COMMD1: variants seen among roughly 807,000 people sequenced by gnomAD.
COMMD1 encodes the protein copper metabolism domain containing 1.
A neutral mutation model predicts 17.2 loss-of-function variants in COMMD1; 10 were observed. The observed-to-expected ratio is 0.58, with a 90% confidence interval of 0.36 to 0.99. The LOEUF (loss-of-function observed/expected upper bound fraction) is 0.99, where lower values mean the gene tolerates loss of function less well. Among genes scored for constraint, COMMD1 ranks in the 50% least tolerant of loss-of-function variants. The probability of loss-of-function intolerance (pLI) is 0.01; values close to 1 mark genes in which losing one functional copy is unlikely to be tolerated. For missense variants in COMMD1, 270 were observed against 231.8 expected, an observed-to-expected ratio of 1.17 and a Z score of -1.07; for synonymous variants, 97 against 91.6, an observed-to-expected ratio of 1.06 and a Z score of -0.34.
At chr2:62,030,178 T>TTATG (rs1669875363) in intron 2 of COMMD1, among the ~76,000 whole-genome samples, 1 of 152,222 alleles carries the variant, frequency 6.6e-6, no homozygotes, top group Admixed American at 6.5e-5. Flanking sequence ...GATGGGGGTC[T>TTATG]TATGGCCCAC....
At chr2:61,950,555 C>T (rs1232648547) in intron 1 of COMMD1, among the ~76,000 whole-genome samples, 2 of 152,188 alleles carry the variant, frequency 1.3e-5, no homozygotes, top group Admixed American at 6.5e-5. Context: ...TAGTACTGAA[C>T]CCTGGCCAAG....
chr2:61,981,266 T>C (rs1671946049), intron 1 of COMMD1, among the ~76,000 whole-genome samples: 1 of 152,226 alleles, frequency 6.6e-6, no homozygotes, highest in Non-Finnish European at 1.5e-5. Flanking sequence ...TGTTTTCTTG[T>C]AGTTTCATAG....
intron 2 of COMMD1, among the ~76,000 whole-genome samples, chr2:62,052,262 G>A (rs1241438850): frequency 6.6e-6 from 1 of 152,074 alleles, no homozygotes; most frequent in Non-Finnish European, 1.5e-5. Flanking sequence ...ACCAGCCTTG[G>A]CAACATGGTG....
intron 1 of COMMD1, among the ~76,000 whole-genome samples, chr2:61,929,757 C>T (rs185441676): frequency 4.9e-4 from 74 of 152,144 alleles, no homozygotes; most frequent in Non-Finnish European, 9.4e-4. Context: ...CATAATGAGA[C>T]CTGGTCTTTA....
intron 1 of COMMD1, among the ~76,000 whole-genome samples, chr2:61,988,566 C>G (rs566924817): frequency 6.6e-6 from 1 of 152,248 alleles, no homozygotes; most frequent in Non-Finnish European, 1.5e-5. Flanking sequence ...ACTGTTTTCT[C>G]TCCTCTCAAG....
intron 2 of COMMD1, among the ~76,000 whole-genome samples, chr2:62,005,858 G>T (rs36127941): frequency 0.14 from 20,958 of 149,900 alleles, 1,383 homozygotes; most frequent in East Asian, 0.2. Context: ...TATACCCAAA[G>T]GACTATAAAT....
chr2:62,123,178 C>A (rs1200887286), intron 2 of COMMD1, among the ~76,000 whole-genome samples: 1 of 150,698 alleles, frequency 6.6e-6, no homozygotes. Context: ...GGGCAACATA[C>A]CAAGACCCCA....
intron 1 of COMMD1, among the ~76,000 whole-genome samples, chr2:61,907,339 T>G (rs1211458747): frequency 6.6e-6 from 1 of 152,168 alleles, no homozygotes; most frequent in East Asian, 1.9e-4. Context: ...TCTCCTGACT[T>G]CGTTATCCGC....
At chr2:61,908,119 G>A (rs1029432013) in intron 1 of COMMD1, among the ~76,000 whole-genome samples, 1 of 152,186 alleles carries the variant, frequency 6.6e-6, no homozygotes, top group Non-Finnish European at 1.5e-5. Flanking sequence ...CAGGTGCCTG[G>A]CAGCACACTG....
At chr2:61,894,152 T>G (rs1572937721) in intron 1 of COMMD1, among the ~76,000 whole-genome samples, 1 of 152,148 alleles carries the variant, frequency 6.6e-6, no homozygotes, top group African/African-American at 2.4e-5. Context: ...CAGGCTGGAG[T>G]GCAGTAGCAC....
intron 1 of COMMD1, among the ~76,000 whole-genome samples, chr2:61,923,765 G>GT (rs1003526237): frequency 2.0e-5 from 3 of 151,948 alleles, no homozygotes; most frequent in African/African-American, 7.3e-5. Flanking sequence ...TTTAGAAAGA[G>GT]TTTTTTTGTT....
chr2:61,925,006 G>A (rs1483141570), intron 1 of COMMD1, among the ~76,000 whole-genome samples: 1 of 152,202 alleles, frequency 6.6e-6, no homozygotes, highest in Non-Finnish European at 1.5e-5. Flanking sequence ...CAGAAATGGA[G>A]AGACAGACGG....
At chr2:62,038,222 A>C (rs1670090836) in intron 2 of COMMD1, among the ~76,000 whole-genome samples, 1 of 152,174 alleles carries the variant, frequency 6.6e-6, no homozygotes, top group Admixed American at 6.5e-5. Context: ...CAGGAGGCGG[A>C]GGTTGCAGTC....
intron 1 of COMMD1, among the ~76,000 whole-genome samples, chr2:61,975,354 T>A (rs1366413243): frequency 6.6e-6 from 1 of 152,142 alleles, no homozygotes; most frequent in Non-Finnish European, 1.5e-5. Flanking sequence ...TGGATGTAAT[T>A]TTTCAATTCA....
intron 1 of COMMD1, among the ~76,000 whole-genome samples, chr2:61,939,330 G>A (rs563132628): frequency 2.3e-4 from 35 of 151,846 alleles, no homozygotes; most frequent in African/African-American, 8.5e-4. Context: ...GCTGGGCATG[G>A]TGGCAGGTGC....
chr2:62,100,895 A>G (rs1055306556), intron 2 of COMMD1, among the ~76,000 whole-genome samples: 1 of 152,202 alleles, frequency 6.6e-6, no homozygotes, highest in Non-Finnish European at 1.5e-5. Flanking sequence ...ATGGCTTTGC[A>G]GGGACATTTT....
intron 1 of COMMD1, among the ~76,000 whole-genome samples, chr2:61,997,623 G>T (rs964057250): frequency 2.6e-5 from 4 of 152,180 alleles, no homozygotes; most frequent in African/African-American, 9.6e-5. Flanking sequence ...AAATTCAGCA[G>T]GCCATGCTGT....
chr2:62,015,092 A>T (rs551863490), intron 2 of COMMD1, among the ~76,000 whole-genome samples: 3 of 152,286 alleles, frequency 2.0e-5, no homozygotes, highest in South Asian at 2.1e-4. Flanking sequence ...CAACCCATTC[A>T]TGATGTTGTA....
chr2:62,051,513 T>G (rs1314144743), intron 2 of COMMD1, among the ~76,000 whole-genome samples: 3 of 152,212 alleles, frequency 2.0e-5, no homozygotes, highest in African/African-American at 7.2e-5. Context: ...TCTCCTCATC[T>G]TTGGTCTTTG....
Sources: gnomAD v4.1 joint callset for allele counts (sites outside exome capture counted in the v4.1 genomes callset) on GRCh38, gnomAD v4.1.1 for gene constraint, MANE v1.5 for transcripts, NCBI Gene and HGNC (gene_info 2026-07-23, HGNC 2026-07-21) for gene names.